The following HHAT variants were observed in gnomAD, a reference collection of about 807,000 sequenced individuals.
HHAT encodes hedgehog acyltransferase.
HHAT carries 47 observed loss-of-function variants against 70.8 expected under a neutral mutation model. The observed-to-expected ratio is 0.66, with a 90% CI of 0.53 to 0.85. HHAT has a LOEUF of 0.85. Among genes scored for constraint, HHAT ranks in the 40% least tolerant of loss-of-function variants. The pLI, the probability that HHAT is intolerant of heterozygous loss-of-function variation, is 0.00. For missense variants in HHAT, 609 were observed against 604.8 expected (o/e 1.01, Z -0.07); for synonymous variants, 228 against 247.6 (o/e 0.92, Z 0.74).
chr1:210,671,643 A>G (rs1436129169), intron 11 of HHAT, among the ~76,000 whole-genome samples: 6 of 152,258 alleles, frequency 3.9e-5, no homozygotes, highest in East Asian at 1.9e-4. Context: ...TGATGCTGCC[A>G]TAAGCCAAGG....
At chr1:210,468,670 C>G (rs1268694627) in intron 8 of HHAT, among the ~76,000 whole-genome samples, 3 of 152,122 alleles carry the variant, frequency 2.0e-5, no homozygotes, top group African/African-American at 7.2e-5. Context: ...GATGATAAAT[C>G]AGTTCTACAA....
chr1:210,527,513 T>C (rs1473401169), intron 9 of HHAT, among the ~76,000 whole-genome samples: 2 of 152,252 alleles, frequency 1.3e-5, no homozygotes, highest in African/African-American at 4.8e-5. Flanking sequence ...CTGTTAGCCA[T>C]CACCATTATC....
intron 11 of HHAT, among the ~76,000 whole-genome samples, chr1:210,632,386 C>T (rs889810000): frequency 5.9e-5 from 9 of 152,146 alleles, no homozygotes; most frequent in African/African-American, 2.2e-4. Context: ...GAAAAGGGAA[C>T]AGCTCTTTGT....
At chr1:210,656,633 G>T (rs995854712) in intron 11 of HHAT, among the ~76,000 whole-genome samples, 6 of 152,194 alleles carry the variant, frequency 3.9e-5, no homozygotes, top group Non-Finnish European at 8.8e-5. Context: ...GAGAACCCTT[G>T]GTCGCCAGGG....
At chr1:210,330,026 C>T (rs1245073040) in intron 1 of HHAT, among the ~76,000 whole-genome samples, 4 of 152,266 alleles carry the variant, frequency 2.6e-5, no homozygotes, top group East Asian at 1.9e-4. Flanking sequence ...GGATTACAGG[C>T]GTGAGCCACC....
chr1:210,569,904 C>T (rs1407266954), intron 9 of HHAT, among the ~76,000 whole-genome samples: 1 of 152,158 alleles, frequency 6.6e-6, no homozygotes, highest in African/African-American at 2.4e-5. Flanking sequence ...CCCAGGCAAG[C>T]ACAGATGTTT....
At chr1:210,466,350 C>T (rs544495796) in intron 8 of HHAT, among the ~76,000 whole-genome samples, 12 of 152,316 alleles carry the variant, frequency 7.9e-5, no homozygotes, top group Admixed American at 5.2e-4. Flanking sequence ...GGCAAGATTG[C>T]GGAATGTTGG....
chr1:210,365,650 C>T lies in HHAT; in HGVS notation c.159+2731C>T, dbSNP rs186238543. 2.9e-3 allele frequency among the ~76,000 whole-genome samples: 446 copies of T among 151,306 alleles called. 6 individuals carry two copies. The highest frequency in any genetic ancestry group is 0.01 in the African/African-American group (430 of 41,150). ...TATTTTGTTGAGATAGGGTCTCGCT[C>T]TGTAACCCAGGCTGGAGTGCAGTGG... On this transcript the variant is annotated intron_variant, in intron 3 of 11. Coordinates refer to ENST00000261458, the MANE Select transcript of HHAT (RefSeq NM_018194.6).
rs187831251 is a variant in HHAT at position 210,524,733 on chromosome 1, A to G, written c.1043+11545A>G. On this transcript the variant is annotated intron_variant, in intron 9 of 11. Coordinates refer to ENST00000261458, the MANE Select transcript of HHAT (RefSeq NM_018194.6). ...GAGAAATTGGGATTTTTGAACCTCA[A>G]CCATGACTGTGCTTCTGCACCATGA... Among the ~76,000 whole-genome samples the G allele has an allele frequency of 4.1e-4, 62 of 152,212 alleles. 1 individual carries two copies. In the East Asian group the frequency reaches 0.011, roughly 27 times the overall value.
chr1:210,626,945 G>A (rs1025360155), intron 11 of HHAT, among the ~76,000 whole-genome samples: 8 of 152,152 alleles, frequency 5.3e-5, no homozygotes, highest in African/African-American at 1.9e-4. Flanking sequence ...TCTTCCCTGG[G>A]ACACATGATC....
intron 9 of HHAT, 71 bp downstream of exon 9, chr1:210,513,259 CTT>C: frequency 1.2e-6 from 1 of 815,968 alleles, no homozygotes; most frequent in Non-Finnish European, 2.1e-6. Context: ...AATGGAAAAT[CTT>C]TGTTAAGTAT....
chr1:210,468,076 A>G (rs2094139061), intron 8 of HHAT, among the ~76,000 whole-genome samples: 1 of 152,184 alleles, frequency 6.6e-6, no homozygotes, highest in Non-Finnish European at 1.5e-5. Flanking sequence ...TCTTTTTCAT[A>G]TAATTTCTGC....
At chr1:210,615,400 G>C (rs185239686) in intron 10 of HHAT, among the ~76,000 whole-genome samples, 1 of 152,106 alleles carries the variant, frequency 6.6e-6, no homozygotes, top group Non-Finnish European at 1.5e-5. Flanking sequence ...CCTTTAGCTC[G>C]GAGAAGTTTG....
At chr1:210,521,624 A>T (rs562399873) in intron 9 of HHAT, among the ~76,000 whole-genome samples, 32 of 152,316 alleles carry the variant, frequency 2.1e-4, no homozygotes, top group Non-Finnish European at 4.0e-4. Flanking sequence ...GCTCACCATC[A>T]TTTGAAGTGT....
chr1:210,360,095 G>A (rs750148588), intron 2 of HHAT, among the ~76,000 whole-genome samples: 6 of 152,180 alleles, frequency 3.9e-5, no homozygotes, highest in Non-Finnish European at 7.3e-5. Flanking sequence ...GTGGAAAGAT[G>A]TCCTGCCACA....
intron 8 of HHAT, among the ~76,000 whole-genome samples, chr1:210,493,416 G>A (rs764730137): frequency 1.3e-5 from 2 of 152,040 alleles, no homozygotes; most frequent in Non-Finnish European, 2.9e-5. Flanking sequence ...TGGGGTCCTC[G>A]GTCTTTTCTC....
intron 9 of HHAT, among the ~76,000 whole-genome samples, chr1:210,522,741 C>G (rs1184913434): frequency 6.6e-6 from 1 of 152,088 alleles, no homozygotes; most frequent in Non-Finnish European, 1.5e-5. Flanking sequence ...GATGGAAACT[C>G]AAGGCTAGTT....
intron 10 of HHAT, among the ~76,000 whole-genome samples, chr1:210,611,934 C>T (rs748873779): frequency 2.6e-5 from 4 of 152,096 alleles, no homozygotes; most frequent in Non-Finnish European, 5.9e-5. Flanking sequence ...ATTTTTACAT[C>T]AATGTTCATC....
chr1:210,516,649 C>T (rs1243504946), intron 9 of HHAT, among the ~76,000 whole-genome samples: 1 of 152,140 alleles, frequency 6.6e-6, no homozygotes, highest in African/African-American at 2.4e-5. Context: ...CCCACACCCC[C>T]TCAAGATTAA....
Sources: gnomAD v4.1 joint callset for allele counts (sites outside exome capture counted in the v4.1 genomes callset) on GRCh38, gnomAD v4.1.1 for gene constraint, MANE v1.5 for transcripts, NCBI Gene and HGNC (gene_info 2026-07-23, HGNC 2026-07-21) for gene names.